Variants in POTEF observed in about 807,000 individuals in gnomAD.
The protein encoded by POTEF is ANKRD26-like family C member 1B.
A neutral mutation model predicts 83.2 loss-of-function variants in POTEF; 20 were observed. That is an observed-to-expected ratio of 0.24 (90% CI 0.17 to 0.35). POTEF has a LOEUF of 0.35. POTEF is among the 10% of genes least tolerant of loss of function. The pLI is 1.00. For synonymous variants in POTEF, 196 were observed against 446.4 expected, an observed-to-expected ratio of 0.44 and a Z score of 7.07; for missense variants, 550 against 1,203.2, an observed-to-expected ratio of 0.46 and a Z score of 8.03.
chr2:130,075,145 A>T lies in POTEF; in HGVS notation c.2327T>A (p.Ile776Asn). 1 of 1,612,644 alleles carries T rather than the reference A, an allele frequency of 6.2e-7. No homozygotes were observed. Among genetic ancestry groups the T allele is most frequent in the Non-Finnish European group, 8.5e-7 (1 of 1,179,858 alleles). The stretch of plus-strand genomic sequence containing the variant: ...CTTCTCCATGTCATCCCAGTTGGTG[A>T]TGATGCCGTGTTCCATGGGGTACTT... Reference protein sequence around the residue: ...TLKYPMEHGIITNWDDMEKIW... With the variant: ...TLKYPMEHGINTNWDDMEKIW... The change falls in exon 17 of 17, where the codon ATC becomes AAC. Residue 776 changes from isoleucine (I) to asparagine (N), a missense_variant. By Grantham distance (149) the Ile-to-Asn change is moderately radical. Coordinates refer to ENST00000409914, the MANE Select transcript of POTEF (RefSeq NM_001099771.2).
chr2:130,094,973 T>A (rs1216234214), intron 11 of POTEF, among the ~76,000 whole-genome samples: 1 of 151,298 alleles, frequency 6.6e-6, no homozygotes, highest in Non-Finnish European at 1.5e-5. Context: ...AAAACGATTT[T>A]AAAAATGCAG....
At chr2:130,117,585 G>A (rs1350539927) in intron 3 of POTEF, among the ~76,000 whole-genome samples, 1 of 151,938 alleles carries the variant, frequency 6.6e-6, no homozygotes, top group Non-Finnish European at 1.5e-5. Context: ...ACTTGTTATA[G>A]CAAAGTACAT....
chr2:130,111,615 T>A (rs1279361167), intron 6 of POTEF, among the ~76,000 whole-genome samples: 1 of 151,366 alleles, frequency 6.6e-6, no homozygotes, highest in Non-Finnish European at 1.5e-5. Context: ...TACAGCATAT[T>A]TAATGGAAAA....
intron 2 of POTEF, among the ~76,000 whole-genome samples, chr2:130,125,683 A>C (rs1406420800): frequency 6.6e-6 from 1 of 152,074 alleles, no homozygotes; most frequent in Non-Finnish European, 1.5e-5. Flanking sequence ...AGGTGGGTGG[A>C]TCACCTGAGG....
intron 7 of POTEF, among the ~76,000 whole-genome samples, 179 bp from the exon 8 acceptor site, chr2:130,108,258 A>C (rs1030599520): frequency 1.3e-4 from 20 of 151,300 alleles, no homozygotes; most frequent in Non-Finnish European, 2.4e-4. Context: ...TAATTAAAGA[A>C]GAAAAAAATG....
intron 3 of POTEF, among the ~76,000 whole-genome samples, chr2:130,116,101 T>C (rs1172968456): frequency 6.6e-6 from 1 of 152,036 alleles, no homozygotes; most frequent in African/African-American, 2.4e-5. Context: ...AACTATGGAA[T>C]AAGAAAGCTG....
chr2:130,123,748 T>C (rs1468611613), intron 2 of POTEF, among the ~76,000 whole-genome samples: 1 of 149,878 alleles, frequency 6.7e-6, no homozygotes, highest in Non-Finnish European at 1.5e-5. Flanking sequence ...TGTCATTCCC[T>C]ACATTTGCTA....
At chr2:130,113,809 A>G (rs1455080387) in intron 5 of POTEF, among the ~76,000 whole-genome samples, 2 of 151,606 alleles carry the variant, frequency 1.3e-5, no homozygotes, top group Non-Finnish European at 2.9e-5. Flanking sequence ...AGTGCAACAG[A>G]CAATTACTTC....
chr2:130,129,085 T>C lies in POTEF; in HGVS notation c.-263A>G, dbSNP rs1158019261. 7 of 104,022 alleles carry C rather than the reference T, an allele frequency of 6.7e-5. No homozygotes were observed. The highest frequency in any genetic ancestry group is 1.1e-4 in the Admixed American group (1 of 9,152). The allele number at this position is 104,022 out of a possible 1,614,324, so 6.4% of individuals were successfully genotyped here. Reference sequence around the variant, plus strand: ...CGGATAACTCACCTACACCAGGACATTTCTACCACTCTGGCCGAGCTGCAG... The same window carrying C: ...CGGATAACTCACCTACACCAGGACACTTCTACCACTCTGGCCGAGCTGCAG... On this transcript the variant is annotated 5_prime_UTR_variant, in exon 1 of 17. An upstream start codon of the reference 5' UTR is lost. Coordinates refer to ENST00000409914, the MANE Select transcript of POTEF (RefSeq NM_001099771.2).
rs924502809 is a variant in POTEF, at chr2:130,116,178, C to T, written c.522-850G>A. On this transcript the variant is annotated intron_variant, in intron 3 of 16. Transcript: ENST00000409914. ...ACTTTGGTTTTCAATAAACTTTAAGCCAAAGAAAACCTGGAATTCAAATGA... is the reference window on the plus strand; with the variant it reads ...ACTTTGGTTTTCAATAAACTTTAAGTCAAAGAAAACCTGGAATTCAAATGA... Among the ~76,000 whole-genome samples, 1,089 of 151,592 alleles carry T rather than the reference C, an allele frequency of 7.2e-3. 12 individuals carry two copies. The highest frequency in any genetic ancestry group is 0.023 in the African/African-American group (950 of 40,898).
intron 12 of POTEF, among the ~76,000 whole-genome samples, chr2:130,093,236 T>TA: frequency 8.3e-6 from 1 of 120,526 alleles, no homozygotes; most frequent in Non-Finnish European, 1.7e-5. Flanking sequence ...TACATTATGG[T>TA]AAGTTGTATA....
At chr2:130,122,052 T>C (rs1203654677) in intron 2 of POTEF, among the ~76,000 whole-genome samples, 1 of 151,578 alleles carries the variant, frequency 6.6e-6, no homozygotes, top group African/African-American at 2.4e-5. Flanking sequence ...ATTCTGGACA[T>C]TTCATGTAAG....
chr2:130,124,339 C>T (rs1054433522), intron 2 of POTEF, among the ~76,000 whole-genome samples: 1 of 108,968 alleles, frequency 9.2e-6, no homozygotes, highest in Non-Finnish European at 1.8e-5. Context: ...ATACACAACA[C>T]TTCTAGACAA....
chr2:130,116,011 T>C (rs1391809161), intron 3 of POTEF, among the ~76,000 whole-genome samples: 2 of 152,062 alleles, frequency 1.3e-5, no homozygotes, highest in African/African-American at 4.8e-5. Flanking sequence ...GTGTCTTACA[T>C]GAAGTAGAAT....
intron 3 of POTEF, among the ~76,000 whole-genome samples, chr2:130,117,195 A>G (rs975021355): frequency 7.9e-5 from 12 of 151,904 alleles, no homozygotes; most frequent in Non-Finnish European, 1.5e-4. Context: ...ATGTTAATCT[A>G]TATCTAATGA....
intron 3 of POTEF, among the ~76,000 whole-genome samples, chr2:130,115,774 T>A (rs1391392944): frequency 6.6e-6 from 1 of 152,192 alleles, no homozygotes; most frequent in Admixed American, 6.5e-5. Context: ...TTTTTACTAA[T>A]ACCACTAAAG....
At chr2:130,107,593 A>C (rs2599860) in intron 8 of POTEF, 5 of 239,948 alleles carry the variant, frequency 2.1e-5, no homozygotes, top group East Asian at 1.2e-4. Context: ...CTCATATTAC[A>C]GCCTCTACTC....
rs1683693163 is a variant in POTEF, at chr2:130,073,902, G to T, written c.*342C>A. 2.1e-6 allele frequency: 1 copy of T among 467,934 alleles called. No homozygotes were observed. Among genetic ancestry groups the T allele is most frequent in the African/African-American group, 2.0e-5 (1 of 50,760 alleles). The allele number at this position is 467,934 out of a possible 1,614,324, so 29.0% of individuals were successfully genotyped here. ...CTATCACCTCCCCTGTGTGAACTAG[G>T]GAGAGGACTGGGCCATTCTCCTTAG... On this transcript the variant is annotated 3_prime_UTR_variant, in exon 17 of 17. Coordinates refer to ENST00000409914, the MANE Select transcript of POTEF (RefSeq NM_001099771.2).
intron 11 of POTEF, among the ~76,000 whole-genome samples, chr2:130,094,898 A>G (rs1238546403): frequency 2.1e-5 from 3 of 144,940 alleles, no homozygotes; most frequent in Non-Finnish European, 4.6e-5. Flanking sequence ...GAATAACCAC[A>G]ATATTGGGCT....
Sources: gnomAD v4.1 joint callset for allele counts (sites outside exome capture counted in the v4.1 genomes callset) on GRCh38, gnomAD v4.1.1 for gene constraint, MANE v1.5 for transcripts, NCBI Gene and HGNC (gene_info 2026-07-23, HGNC 2026-07-21) for gene names.